Variants in TNFRSF10A observed in about 807,000 individuals in gnomAD.
TNFRSF10A encodes TNF receptor superfamily member 10a.
TNFRSF10A carries 44 observed loss-of-function variants against 42.8 expected under a neutral mutation model. The observed-to-expected ratio is 1.03, with a 90% CI of 0.81 to 1.32. TNFRSF10A has a LOEUF of 1.32. Ranked by LOEUF, TNFRSF10A falls within the 40% of genes most tolerant of loss-of-function variation. The pLI is 0.00. For missense variants in TNFRSF10A, 680 were observed against 602.0 expected (o/e 1.13, Z -1.36); for synonymous variants, 259 against 234.2 (o/e 1.11, Z -0.97).
chr8:23,214,404 C>T (rs939419855), intron 1 of TNFRSF10A, among the ~76,000 whole-genome samples: 31 of 151,438 alleles, frequency 2.0e-4, no homozygotes, highest in African/African-American at 7.5e-4. Context: ...AGGAGAATGG[C>T]GTGAACCTGA....
chr8:23,206,602 C>G (rs774403602), intron 2 of TNFRSF10A, among the ~76,000 whole-genome samples: 5 of 152,174 alleles, frequency 3.3e-5, no homozygotes, highest in Non-Finnish European at 7.3e-5. Context: ...TGGAGGTACA[C>G]TCTATGATGT....
intron 1 of TNFRSF10A, among the ~76,000 whole-genome samples, chr8:23,219,776 C>A (rs73222599): frequency 0.27 from 41,268 of 152,036 alleles, 5,614 homozygotes; most frequent in South Asian, 0.39. Context: ...CTGAGACCAA[C>A]AGCAGACATG....
chr8:23,198,850 A>T (rs80085526), intron 8 of TNFRSF10A, among the ~76,000 whole-genome samples: 4,601 of 152,320 alleles, frequency 0.03, 179 homozygotes, highest in African/African-American at 0.091. Context: ...GGAATCCTCC[A>T]TACAACCATA....
chr8:23,193,685 A>T (rs1304292605), intron 9 of TNFRSF10A, among the ~76,000 whole-genome samples: 1 of 151,794 alleles, frequency 6.6e-6, no homozygotes, highest in Non-Finnish European at 1.5e-5. Context: ...GGTTGATCAA[A>T]CCTAACCAAT....
chr8:23,198,856 C>T (rs577153101), intron 8 of TNFRSF10A, among the ~76,000 whole-genome samples: 1 of 152,326 alleles, frequency 6.6e-6, no homozygotes, highest in South Asian at 2.1e-4. Context: ...CTCCATACAA[C>T]CATATGCAGA....
chr8:23,201,982 AC>A, intron 3 of TNFRSF10A, 63 bp from the exon 4 acceptor site: 1 of 1,427,796 alleles, frequency 7.0e-7, no homozygotes, highest in Non-Finnish European at 9.8e-7. Context: ...ACCTTTCCTC[AC>A]CACCCCAACT....
intron 4 of TNFRSF10A, 121 bp downstream of exon 4, chr8:23,201,687 G>A (rs1471241603): frequency 2.3e-6 from 2 of 865,212 alleles, no homozygotes; most frequent in Non-Finnish European, 3.7e-6. Context: ...ACCTATGGGG[G>A]TGGAGGCACC....
chr8:23,209,607 A>T (rs1418675734), intron 2 of TNFRSF10A, among the ~76,000 whole-genome samples: 1 of 152,156 alleles, frequency 6.6e-6, no homozygotes, highest in Admixed American at 6.5e-5. Context: ...GAGCTTTAAG[A>T]TCTGACTGCC....
intron 6 of TNFRSF10A, 139 bp downstream of exon 6, chr8:23,200,357 TGGGAGGATG>T: frequency 2.3e-6 from 2 of 859,198 alleles, no homozygotes; most frequent in Non-Finnish European, 3.7e-6. Context: ...TTGCACAGGA[TGGGAGGATG>T]GGGGGTGATC....
chr8:23,200,108 C>A (rs1460802231), intron 6 of TNFRSF10A, among the ~76,000 whole-genome samples, 191 bp from the exon 7 acceptor site: 1 of 152,180 alleles, frequency 6.6e-6, no homozygotes, highest in African/African-American at 2.4e-5. Flanking sequence ...GGGAAGTAGG[C>A]TAAAAACAAA....
At chr8:23,205,016 G>A (rs980730170) in intron 2 of TNFRSF10A, among the ~76,000 whole-genome samples, 3 of 151,680 alleles carry the variant, frequency 2.0e-5, no homozygotes, top group East Asian at 1.9e-4. Context: ...TAAGACACTC[G>A]AAAAAGAAGA....
chr8:23,209,914 A>G (rs961545370), intron 2 of TNFRSF10A, among the ~76,000 whole-genome samples: 1 of 152,124 alleles, frequency 6.6e-6, no homozygotes, highest in Non-Finnish European at 1.5e-5. Flanking sequence ...CAGGGGTGAT[A>G]GGGTTTGGAT....
At chr8:23,213,723 C>T (rs112822972) in intron 1 of TNFRSF10A, among the ~76,000 whole-genome samples, 13 of 152,206 alleles carry the variant, frequency 8.5e-5, no homozygotes, top group African/African-American at 2.6e-4. Context: ...GGATTACAAG[C>T]GTGAGCCACC....
At chr8:23,215,058 G>A (rs1801157006) in intron 1 of TNFRSF10A, among the ~76,000 whole-genome samples, 1 of 152,206 alleles carries the variant, frequency 6.6e-6, no homozygotes, top group African/African-American at 2.4e-5. Context: ...GGTTATACGG[G>A]AGAATGTCCT....
At chr8:23,193,838 C>A (rs981804846) in intron 9 of TNFRSF10A, among the ~76,000 whole-genome samples, 1 of 152,114 alleles carries the variant, frequency 6.6e-6, no homozygotes, top group Non-Finnish European at 1.5e-5. Flanking sequence ...ACTTGGTATT[C>A]TTTTGTAATA....
chr8:23,212,108 G>A lies in TNFRSF10A; in HGVS notation c.403+8C>T. On this transcript the variant is annotated splice_region_variant and intron_variant, in intron 2 of 9. Coordinates refer to ENST00000221132, the MANE Select transcript of TNFRSF10A (RefSeq NM_003844.4). ...TGTAAAGGATTAGAGATCAGTCTTA[G>A]AATGTACCTGGTGGACACAACTCTC... The A allele has an allele frequency of 6.2e-7, 1 of 1,611,084 alleles. No individual in the cohort carries two copies. The highest frequency in any genetic ancestry group is 8.5e-7 in the Non-Finnish European group (1 of 1,177,520).
chr8:23,224,802 C>G lies in TNFRSF10A; in HGVS notation c.260G>C (p.Arg87Pro), dbSNP rs1013888975. The G allele has an allele frequency of 1.3e-6, 2 of 1,567,810 alleles. No homozygotes were observed. Among genetic ancestry groups the G allele is most frequent in the African/African-American group, 2.7e-5 (2 of 74,040 alleles). Residue 87 changes from arginine (R) to proline (P), a missense_variant, in exon 1 of 10, where the codon CGG becomes CCG. By Grantham distance (103) the Arg-to-Pro change is moderately radical (BLOSUM62 -2). Coordinates refer to ENST00000221132, the MANE Select transcript of TNFRSF10A (RefSeq NM_003844.4). ...GACAAACTTGAAGGTCTTGTGGACC[C>G]GGAGCCGAGGGCTGGCTTCCCGCGC... ...RPAREASPRL[R>P]VHKTFKFVVV...
chr8:23,224,813 G>A lies in TNFRSF10A; in HGVS notation c.249C>T (p.Ser83=), dbSNP rs1180321338. The change falls in exon 1 of 10, where the codon AGC becomes AGT. Residue 83 remains serine (S), a synonymous_variant. Transcript: ENST00000221132. ...AGGTCTTGTGGACCCGGAGCCGAGGGCTGGCTTCCCGCGCCGGCCTGGGTC... is the reference window on the plus strand; with the variant it reads ...AGGTCTTGTGGACCCGGAGCCGAGGACTGGCTTCCCGCGCCGGCCTGGGTC... ...APGPRPAREA[S]PRLRVHKTFK... is the part of the protein sequence containing the mutation. 6.4e-7 allele frequency: 1 copy of A among 1,567,086 alleles called. No homozygotes were observed.
At chr8:23,208,248 G>A (rs984684817) in intron 2 of TNFRSF10A, among the ~76,000 whole-genome samples, 2 of 152,194 alleles carry the variant, frequency 1.3e-5, no homozygotes, top group African/African-American at 4.8e-5. Flanking sequence ...CCCTTCCCTA[G>A]AGATCTGTGG....
Sources: gnomAD v4.1 joint callset for allele counts (sites outside exome capture counted in the v4.1 genomes callset) on GRCh38, gnomAD v4.1.1 for gene constraint, MANE v1.5 for transcripts, NCBI Gene and HGNC (gene_info 2026-07-23, HGNC 2026-07-21) for gene names.